The following TFG variants were observed in gnomAD, a reference collection of about 807,000 sequenced individuals.
TFG encodes protein TFG.
Under a neutral mutation model 51.4 loss-of-function variants are expected in TFG, and 22 were observed. The ratio of observed to expected loss-of-function variants is 0.43; its 90% CI spans 0.31 to 0.61. The LOEUF (loss-of-function observed/expected upper bound fraction) is 0.61, where lower values mean the gene tolerates loss of function less well. Among genes scored for constraint, TFG ranks in the 20% least tolerant of loss-of-function variants. The probability of loss-of-function intolerance (pLI) is 0.12; values close to 1 mark genes in which losing one functional copy is unlikely to be tolerated. For missense variants in TFG, 419 were observed against 487.7 expected (o/e 0.86, Z 1.33); for synonymous variants, 187 against 165.6 (o/e 1.13, Z -0.99).
chr3:100,740,182 C>T (rs577711433), intron 6 of TFG, among the ~76,000 whole-genome samples: 21 of 151,914 alleles, frequency 1.4e-4, no homozygotes, highest in Admixed American at 9.8e-4. Context: ...TACTGTGTAA[C>T]TATTATCCCA....
chr3:100,734,164 T>G (rs115129534), intron 5 of TFG, among the ~76,000 whole-genome samples: 8 of 151,750 alleles, frequency 5.3e-5, no homozygotes, highest in African/African-American at 1.9e-4. Context: ...CATGGCCTTA[T>G]CAGAGTTTTT....
At chr3:100,742,713 A>G (rs1182515397) in intron 6 of TFG, 1 of 152,182 alleles carries the variant, frequency 6.6e-6, no homozygotes, top group African/African-American at 2.4e-5. Context: ...AGTAACCCCA[A>G]CTGGGAATAA....
intron 4 of TFG, among the ~76,000 whole-genome samples, chr3:100,729,941 A>G (rs1576367405): frequency 6.6e-6 from 1 of 152,126 alleles, no homozygotes; most frequent in African/African-American, 2.4e-5. Context: ...TCAGAACATA[A>G]TGGAGATTTG....
intron 3 of TFG, among the ~76,000 whole-genome samples, chr3:100,726,469 T>C (rs554842055): frequency 1.3e-5 from 2 of 152,344 alleles, no homozygotes; most frequent in Non-Finnish European, 2.9e-5. Flanking sequence ...TTCCTCACTC[T>C]AATCAAGCTG....
chr3:100,722,955 A>G (rs970551999), intron 3 of TFG, among the ~76,000 whole-genome samples: 5 of 152,208 alleles, frequency 3.3e-5, no homozygotes, highest in Non-Finnish European at 7.3e-5. Flanking sequence ...TCAGTAGGCT[A>G]TGCTTTCAAA....
Position 100,748,962 on chromosome 3 carries a change from C to G in TFG, c.*431C>G, listed in dbSNP as rs933508482. On this transcript the variant is annotated 3_prime_UTR_variant, in exon 8 of 8. Coordinates refer to ENST00000240851, the MANE Select transcript of TFG (RefSeq NM_006070.6). ...GATAGGTTAATAAAGATGATTGAAT[C>G]CATTAGTGGTCTTGAAATTTTAATT... 4.2e-5 allele frequency: 8 copies of G among 192,424 alleles called. No individual in the cohort carries two copies. The highest frequency in any genetic ancestry group is 1.9e-4 in the African/African-American group (8 of 43,042). The allele number at this position is 192,424 out of a possible 1,614,324, so 11.9% of individuals were successfully genotyped here.
chr3:100,736,241 G>A (rs1057132687), intron 5 of TFG, among the ~76,000 whole-genome samples: 1 of 152,100 alleles, frequency 6.6e-6, no homozygotes, highest in African/African-American at 2.4e-5. Context: ...CTTGAAGAAT[G>A]AAGTGACAAT....
At chr3:100,730,690 GCTCT>G (rs1268356857) in intron 4 of TFG, among the ~76,000 whole-genome samples, 1 of 152,184 alleles carries the variant, frequency 6.6e-6, no homozygotes, top group Non-Finnish European at 1.5e-5. Context: ...GTGGTCTTCA[GCTCT>G]CTATTACAGC....
chr3:100,744,784 C>T (rs1427661210), intron 6 of TFG, 49 bp from the exon 7 acceptor site: 1 of 1,241,724 alleles, frequency 8.1e-7, no homozygotes, highest in African/African-American at 1.5e-5. Context: ...TTCTCTTTGC[C>T]ACATTAAACA....
intron 5 of TFG, among the ~76,000 whole-genome samples, chr3:100,735,801 G>A (rs1302848198): frequency 6.6e-6 from 1 of 152,092 alleles, no homozygotes; most frequent in African/African-American, 2.4e-5. Flanking sequence ...AGAGTGCTAG[G>A]CCTTGTTCGG....
At chr3:100,709,332 T>C (rs908133939), upstream of TFG, 2 of 152,258 alleles carry the variant, frequency 1.3e-5, no homozygotes, top group African/African-American at 4.8e-5. Flanking sequence ...AGCTCACGCT[T>C]CCTAAATCCC....
intron 4 of TFG, among the ~76,000 whole-genome samples, chr3:100,731,365 TA>T (rs1479835810): frequency 1.3e-5 from 2 of 152,234 alleles, no homozygotes; most frequent in Admixed American, 1.3e-4. Context: ...GACAGTAGTA[TA>T]AATGCCTGTG....
chr3:100,711,033 TAC>T (rs1027263898), intron 1 of TFG: 2 of 152,106 alleles, frequency 1.3e-5, no homozygotes, highest in Non-Finnish European at 2.9e-5. Flanking sequence ...ACAAGATGTT[TAC>T]AGTCAATAGG....
chr3:100,726,595 A>G (rs1219872534), intron 3 of TFG, among the ~76,000 whole-genome samples: 1 of 152,246 alleles, frequency 6.6e-6, no homozygotes, highest in East Asian at 1.9e-4. Flanking sequence ...ATTATAGGCC[A>G]TACTAGGAAT....
intron 4 of TFG, 108 bp from the exon 5 acceptor site, chr3:100,732,400 C>A: frequency 1.5e-6 from 1 of 658,944 alleles, no homozygotes; most frequent in Non-Finnish European, 2.5e-6. Flanking sequence ...ACATGCTTAA[C>A]ATTCCAGACT....
chr3:100,715,596 A>G (rs2095043559), intron 2 of TFG, among the ~76,000 whole-genome samples: 1 of 152,216 alleles, frequency 6.6e-6, no homozygotes, highest in African/African-American at 2.4e-5. Flanking sequence ...AATACCCAAA[A>G]CAAATTTTTG....
intron 6 of TFG, among the ~76,000 whole-genome samples, chr3:100,739,355 T>G (rs9881943): frequency 0.03 from 4,525 of 152,146 alleles, 182 homozygotes; most frequent in African/African-American, 0.092. Context: ...TTAATATGTT[T>G]TTCAGTTAAA....
intron 6 of TFG, among the ~76,000 whole-genome samples, chr3:100,738,876 C>G (rs2095113880): frequency 6.6e-6 from 1 of 152,084 alleles, no homozygotes; most frequent in Non-Finnish European, 1.5e-5. Context: ...TTTATTTAGC[C>G]TAATGTATCC....
At chr3:100,722,475 T>A (rs949345815) in intron 3 of TFG, among the ~76,000 whole-genome samples, 3 of 152,176 alleles carry the variant, frequency 2.0e-5, no homozygotes, top group Admixed American at 6.5e-5. Flanking sequence ...AGGTAATGAC[T>A]AAAGAAATTT....
Sources: allele counts gnomAD v4.1 joint callset (sites outside exome capture counted in the v4.1 genomes callset), GRCh38; gene constraint gnomAD v4.1.1; transcripts MANE v1.5; gene names NCBI Gene and HGNC (gene_info 2026-07-23, HGNC 2026-07-21).